The following TRIM71 variants were observed in gnomAD, a reference collection of about 807,000 sequenced individuals.
TRIM71 encodes the protein E3 ubiquitin-protein ligase TRIM71.
Under a neutral mutation model 61.2 loss-of-function variants are expected in TRIM71, and 9 were observed. The ratio of observed to expected loss-of-function variants is 0.15; its 90% CI spans 0.09 to 0.26. The LOEUF is 0.26. TRIM71 is among the 10% of genes least tolerant of loss of function. The pLI, the probability that TRIM71 is intolerant of heterozygous loss-of-function variation, is 1.00. For synonymous variants in TRIM71, 645 were observed against 553.2 expected, an observed-to-expected ratio of 1.17 and a Z score of -2.33; for missense variants, 998 against 1,238.7, an observed-to-expected ratio of 0.81 and a Z score of 2.92.
chr3:32,870,968 A>ATTTT (rs537452978), intron 1 of TRIM71, among the ~76,000 whole-genome samples: 1 of 137,864 alleles, frequency 7.3e-6, no homozygotes, highest in African/African-American at 2.6e-5. Context: ...ACGCCCAGCA[A>ATTTT]TTTTTTTTTT....
chr3:32,852,759 T>TA (rs36040321), intron 1 of TRIM71, among the ~76,000 whole-genome samples: 52,220 of 133,614 alleles, frequency 0.39, 9,985 homozygotes, highest in East Asian at 0.87. Context: ...TACTGTCTTT[T>TA]AAAAAAAAAA....
At position 32,894,979 on chromosome 3, in the gene TRIM71, G is replaced by A. The variant is rs922856785; in HGVS notation, c.*3168G>A. On this transcript the variant is annotated 3_prime_UTR_variant, in exon 4 of 4. Coordinates refer to ENST00000383763, the MANE Select transcript of TRIM71 (RefSeq NM_001039111.3). ...CATGGAGGTCTGATCTGGTCAGGTG[G>A]CAAGGGTTGGGTGGGGTATGATGTA... The A allele has an allele frequency of 2.0e-5, 3 of 152,228 alleles. No homozygotes were observed. Among genetic ancestry groups the A allele is most frequent in the African/African-American group, 7.2e-5 (3 of 41,450 alleles). 9.4% of individuals were successfully genotyped at this position (152,228 alleles called of 1,614,324 possible).
chr3:32,839,074 G>A (rs756046133), intron 1 of TRIM71, among the ~76,000 whole-genome samples: 10 of 151,852 alleles, frequency 6.6e-5, no homozygotes, highest in Admixed American at 1.3e-4. Context: ...TTTCTGAGCC[G>A]CCATGCCCAG....
At chr3:32,862,564 G>A (rs1452923700) in intron 1 of TRIM71, among the ~76,000 whole-genome samples, 1 of 152,216 alleles carries the variant, frequency 6.6e-6, no homozygotes, top group African/African-American at 2.4e-5. Flanking sequence ...CAGCCCCAAA[G>A]TACCACTGAC....
At chr3:32,853,843 C>T (rs1334061668) in intron 1 of TRIM71, among the ~76,000 whole-genome samples, 1 of 152,104 alleles carries the variant, frequency 6.6e-6, no homozygotes, top group Non-Finnish European at 1.5e-5. Flanking sequence ...CCTATCTCGA[C>T]TAAAAATACA....
intron 1 of TRIM71, among the ~76,000 whole-genome samples, chr3:32,841,089 CA>C (rs778951616): frequency 5.9e-5 from 9 of 151,784 alleles, no homozygotes; most frequent in Non-Finnish European, 7.4e-5. Flanking sequence ...TACTAAAAAA[CA>C]AAAAATTAGC....
At chr3:32,862,389 T>TA (rs1696681344) in intron 1 of TRIM71, among the ~76,000 whole-genome samples, 1 of 152,244 alleles carries the variant, frequency 6.6e-6, no homozygotes, top group South Asian at 2.1e-4. Flanking sequence ...TCCCTTGCTT[T>TA]AAAAAATTCT....
At chr3:32,826,164 C>A (rs1271797615) in intron 1 of TRIM71, among the ~76,000 whole-genome samples, 1 of 152,172 alleles carries the variant, frequency 6.6e-6, no homozygotes, top group Non-Finnish European at 1.5e-5. Context: ...AGATCCCACT[C>A]AACTCCCATC....
chr3:32,830,625 T>C lies in TRIM71; in HGVS notation c.852+11693T>C, dbSNP rs114878009. Reference sequence around the variant, plus strand: ...GGGGATTTTTACACTAAGTCTGGCCTCTGTCGATATCAGTGGATTTAAGGA... The same window carrying C: ...GGGGATTTTTACACTAAGTCTGGCCCCTGTCGATATCAGTGGATTTAAGGA... On this transcript the variant is annotated intron_variant, in intron 1 of 3. Transcript: ENST00000383763. Among the ~76,000 whole-genome samples, 898 of 152,294 alleles carry C rather than the reference T, an allele frequency of 5.9e-3. 4 individuals carry two copies. The highest frequency in any genetic ancestry group is 0.021 in the African/African-American group (858 of 41,566).
chr3:32,833,067 C>T lies in TRIM71; in HGVS notation c.852+14135C>T, dbSNP rs138743524. On this transcript the variant is annotated intron_variant, in intron 1 of 3. Transcript: ENST00000383763. Reference sequence around the variant, plus strand: ...TTACGAACCTGTCATCCCAGCTACTCGGGAGGCTGAGGCAGGAGAATCACT... The same window carrying T: ...TTACGAACCTGTCATCCCAGCTACTTGGGAGGCTGAGGCAGGAGAATCACT... Among the ~76,000 whole-genome samples, 694 of 150,918 alleles carry T rather than the reference C, an allele frequency of 4.6e-3. 11 individuals carry two copies. The East Asian group carries it at 0.063, about 14-fold the overall frequency.
At position 32,891,874 on chromosome 3, in the gene TRIM71, T is replaced by C. The variant is rs62253761; in HGVS notation, c.*63T>C. 36 of 1,363,290 alleles carry C rather than the reference T, an allele frequency of 2.6e-5. No homozygotes were observed. Among genetic ancestry groups the C allele is most frequent in the Admixed American group, 1.6e-4 (6 of 37,236 alleles). 84.4% of individuals were successfully genotyped at this position (1,363,290 alleles called of 1,614,324 possible). On this transcript the variant is annotated 3_prime_UTR_variant, in exon 4 of 4. Transcript: ENST00000383763. The surrounding 1 kb of genome is among the most constrained non-coding windows in gnomAD (Gnocchi z 8.2). ...CGTGTCTCTCTCTCTCTCTCTCTCT[T>C]TCTCTTTCTCTCTCTTTTTGAATTT...
intron 1 of TRIM71, among the ~76,000 whole-genome samples, chr3:32,825,623 A>G (rs766810724): frequency 2.6e-5 from 4 of 152,182 alleles, no homozygotes; most frequent in Non-Finnish European, 5.9e-5. Context: ...ACTCCCACCC[A>G]TAAAACTAAT....
chr3:32,819,634 C>T (rs111832998), intron 1 of TRIM71, among the ~76,000 whole-genome samples: 3 of 152,160 alleles, frequency 2.0e-5, no homozygotes, highest in Non-Finnish European at 4.4e-5. Context: ...GTGTTCTGGC[C>T]CCTGAATTCT....
chr3:32,867,551 C>T (rs1249181826), intron 1 of TRIM71, among the ~76,000 whole-genome samples: 1 of 152,070 alleles, frequency 6.6e-6, no homozygotes, highest in Non-Finnish European at 1.5e-5. Flanking sequence ...CTCCTGTGCT[C>T]AAGTGATCCT....
intron 1 of TRIM71, among the ~76,000 whole-genome samples, chr3:32,862,291 T>G (rs1696680612): frequency 6.6e-6 from 1 of 152,228 alleles, no homozygotes; most frequent in Non-Finnish European, 1.5e-5. Flanking sequence ...TAATATTTAC[T>G]AACAGTTTTT....
chr3:32,831,277 T>A (rs1006053273), intron 1 of TRIM71, among the ~76,000 whole-genome samples: 1 of 151,820 alleles, frequency 6.6e-6, no homozygotes, highest in Admixed American at 6.6e-5. Context: ...TTGCCCTATG[T>A]GACCTTGGAC....
chr3:32,837,583 G>C (rs1696349385), intron 1 of TRIM71, among the ~76,000 whole-genome samples: 1 of 152,160 alleles, frequency 6.6e-6, no homozygotes, highest in Non-Finnish European at 1.5e-5. Flanking sequence ...ACTTTGGGAA[G>C]CCAAGGTGGA....
intron 1 of TRIM71, among the ~76,000 whole-genome samples, chr3:32,852,488 C>T (rs1052189908): frequency 6.6e-6 from 1 of 152,092 alleles, no homozygotes; most frequent in Non-Finnish European, 1.5e-5. Context: ...AAGACAAGAG[C>T]ATTTTGCCAG....
chr3:32,878,792 C>T (rs1370956790), intron 2 of TRIM71, among the ~76,000 whole-genome samples: 2 of 152,194 alleles, frequency 1.3e-5, no homozygotes, highest in Admixed American at 6.5e-5. Flanking sequence ...TTGGCTTCAA[C>T]TTAGTCACCA....
Sources: allele counts gnomAD v4.1 joint callset (sites outside exome capture counted in the v4.1 genomes callset), GRCh38; gene constraint gnomAD v4.1.1; non-coding constraint Gnocchi (gnomAD v3.1); transcripts MANE v1.5; gene names NCBI Gene and HGNC (gene_info 2026-07-23, HGNC 2026-07-21).